The following CCDC171 variants were observed in gnomAD, a reference collection of about 807,000 sequenced individuals.
The protein encoded by CCDC171 is coiled-coil domain-containing protein 171.
CCDC171 carries 177 observed loss-of-function variants against 168.2 expected under a neutral mutation model. That is an observed-to-expected ratio of 1.05 (90% CI 0.93 to 1.19). The LOEUF (loss-of-function observed/expected upper bound fraction) is 1.19. CCDC171 is among the 50% of genes most tolerant of loss of function. The pLI is 0.00. For missense variants in CCDC171, 1,991 were observed against 1,539.0 expected, an observed-to-expected ratio of 1.29 and a Z score of -4.91; for synonymous variants, 687 against 540.8, an observed-to-expected ratio of 1.27 and a Z score of -3.75.
At chr9:16,100,209 T>C in the CCDC171 span, among the ~76,000 whole-genome samples, 1 of 152,030 alleles carries the variant, frequency 6.6e-6, no homozygotes, top group African/African-American at 2.4e-5. Flanking sequence ...CTAAATTGAT[T>C]TATGAGAGGA....
the CCDC171 span, among the ~76,000 whole-genome samples, chr9:16,082,595 A>G: frequency 6.6e-6 from 1 of 152,238 alleles, no homozygotes; most frequent in Admixed American, 6.5e-5. Context: ...ATTTCAAGTA[A>G]TCAAAGTATA....
At chr9:15,938,206 T>C (rs1827314924) in intron 25 of CCDC171, among the ~76,000 whole-genome samples, 1 of 151,844 alleles carries the variant, frequency 6.6e-6, no homozygotes, top group Non-Finnish European at 1.5e-5. Context: ...CTCAATACCA[T>C]GCTGTTTGGG....
intron 10 of CCDC171, 52 bp from the exon 11 acceptor site, chr9:15,695,183 T>C (rs1005221355): frequency 8.7e-7 from 1 of 1,147,604 alleles, no homozygotes; most frequent in African/African-American, 1.5e-5. Context: ...ACTAAAAATA[T>C]GCAGCTCTTA....
At chr9:15,601,345 A>T (rs532665137) in intron 6 of CCDC171, among the ~76,000 whole-genome samples, 1 of 152,272 alleles carries the variant, frequency 6.6e-6, no homozygotes, top group Non-Finnish European at 1.5e-5. Flanking sequence ...TTTGTTATAT[A>T]TGTCATTATT....
At chr9:16,057,672 C>T (rs2133080993) in intron 1 of CCDC171, among the ~76,000 whole-genome samples, 1 of 152,332 alleles carries the variant, frequency 6.6e-6, no homozygotes, top group South Asian at 2.1e-4. Flanking sequence ...CCAAAGCCCC[C>T]TCCCGCTTCC....
At chr9:15,860,397 C>G (rs1307095416) in intron 23 of CCDC171, among the ~76,000 whole-genome samples, 2 of 151,364 alleles carry the variant, frequency 1.3e-5, no homozygotes. Flanking sequence ...TAGGTGTTTA[C>G]TGCTGTATGT....
chr9:15,872,269 T>G (rs980361919), intron 23 of CCDC171, among the ~76,000 whole-genome samples: 1 of 152,058 alleles, frequency 6.6e-6, no homozygotes, highest in African/African-American at 2.4e-5. Context: ...TTTGGCAAAT[T>G]AAGTAATGTT....
rs80294003 is a variant in CCDC171, at chr9:15,882,771, C to T, written c.3600+8108C>T. Among the ~76,000 whole-genome samples the T allele has an allele frequency of 3.7e-4, 56 of 151,516 alleles. No homozygotes were observed. In the East Asian group the frequency reaches 6.5e-3, roughly 18 times the overall value. ...TATCAGCTATTACTAGAGCAGTTTT[C>T]GTATTATCCCATAAGTCTTTTCACC... On this transcript the variant is annotated intron_variant, in intron 24 of 25. Coordinates refer to ENST00000380701, the MANE Select transcript of CCDC171 (RefSeq NM_173550.4).
chr9:15,892,874 A>G (rs1387746720), intron 24 of CCDC171, among the ~76,000 whole-genome samples: 1 of 152,288 alleles, frequency 6.6e-6, no homozygotes, highest in South Asian at 2.1e-4. Flanking sequence ...AATAATTTAT[A>G]GATTCAATGC....
chr9:15,591,863 T>G (rs2042031273), intron 5 of CCDC171, among the ~76,000 whole-genome samples: 1 of 152,160 alleles, frequency 6.6e-6, no homozygotes, highest in Non-Finnish European at 1.5e-5. Context: ...AATATGAACA[T>G]TTGGAATTTT....
intron 7 of CCDC171, among the ~76,000 whole-genome samples, chr9:15,645,086 A>G (rs1205742291): frequency 1.3e-5 from 2 of 152,226 alleles, no homozygotes; most frequent in African/African-American, 4.8e-5. Flanking sequence ...CTGTTCAGCA[A>G]TATTTGCTGT....
At chr9:16,084,036 C>G in the CCDC171 span, among the ~76,000 whole-genome samples, 2 of 152,198 alleles carry the variant, frequency 1.3e-5, no homozygotes, top group African/African-American at 2.4e-5. Context: ...TTACTCTGCT[C>G]TTACAGAATA....
chr9:15,898,379 C>A (rs908827347), intron 24 of CCDC171, among the ~76,000 whole-genome samples: 10 of 152,150 alleles, frequency 6.6e-5, no homozygotes, highest in African/African-American at 2.4e-4. Flanking sequence ...AGGCAACAGG[C>A]TGCAGAGGGT....
chr9:15,610,460 A>C (rs920419446), intron 6 of CCDC171, among the ~76,000 whole-genome samples: 9 of 134,384 alleles, frequency 6.7e-5, no homozygotes, highest in African/African-American at 2.2e-4. Flanking sequence ...AAAAAAAAAA[A>C]AAAAAAAAAA....
chr9:15,609,554 A>G (rs1435077907), intron 6 of CCDC171, among the ~76,000 whole-genome samples: 4 of 152,340 alleles, frequency 2.6e-5, no homozygotes, highest in East Asian at 1.9e-4. Context: ...TAGATAGCCA[A>G]GTGTCCCTGT....
chr9:15,800,082 T>G (rs1038503864), intron 21 of CCDC171, among the ~76,000 whole-genome samples: 1 of 152,102 alleles, frequency 6.6e-6, no homozygotes, highest in African/African-American at 2.4e-5. Flanking sequence ...AATGTGGGAG[T>G]GCAGATATCT....
chr9:15,859,298 T>G (rs985374468), intron 23 of CCDC171, among the ~76,000 whole-genome samples: 7 of 152,186 alleles, frequency 4.6e-5, no homozygotes, highest in Non-Finnish European at 1.0e-4. Flanking sequence ...TAATATTTTG[T>G]TGAGGATTTT....
the CCDC171 span, among the ~76,000 whole-genome samples, chr9:16,067,702 C>T: frequency 6.6e-6 from 1 of 152,168 alleles, no homozygotes; most frequent in African/African-American, 2.4e-5. Flanking sequence ...TTTCCCAGCA[C>T]CATTTATTAA....
intron 2 of CCDC171, 68 bp downstream of exon 2, chr9:15,564,197 G>A: frequency 8.5e-7 from 1 of 1,175,424 alleles, no homozygotes; most frequent in Non-Finnish European, 1.2e-6. Context: ...AGAAGTCAGT[G>A]GTTGTAGAGC....
Sources: gnomAD v4.1 joint callset for allele counts (sites outside exome capture counted in the v4.1 genomes callset) on GRCh38, gnomAD v4.1.1 for gene constraint, MANE v1.5 for transcripts, NCBI Gene and HGNC (gene_info 2026-07-23, HGNC 2026-07-21) for gene names.